OCIAD1: variants seen among roughly 807,000 people sequenced by gnomAD.
The protein encoded by OCIAD1 is OCIA domain-containing protein 1.
OCIAD1 carries 29 observed loss-of-function variants against 38.9 expected under a neutral mutation model. The ratio of observed to expected loss-of-function variants is 0.74; its 90% CI spans 0.55 to 1.02. The LOEUF is 1.02. Among genes scored for constraint, OCIAD1 ranks in the 50% least tolerant of loss-of-function variants. OCIAD1 has a pLI of 0.00. For synonymous variants in OCIAD1, 110 were observed against 92.0 expected (o/e 1.20, Z -1.12); for missense variants, 288 against 289.6 (o/e 0.99, Z 0.04).
chr4:48,853,215 T>A (rs556720312), intron 7 of OCIAD1, among the ~76,000 whole-genome samples: 2 of 152,234 alleles, frequency 1.3e-5, no homozygotes, highest in Non-Finnish European at 2.9e-5. Context: ...GGTAATAAAA[T>A]CTGACCTGAA....
In OCIAD1 at chr4:48,833,444, C is replaced by A. The variant is rs754591912; in HGVS notation, c.102C>A (p.Val34=). 1.2e-6 allele frequency: 2 copies of A among 1,607,648 alleles called. No homozygotes were observed. The highest frequency in any genetic ancestry group is 2.7e-5 in the African/African-American group (2 of 74,894). Residue 34 remains valine (V), a synonymous_variant, in exon 3 of 9, where the codon GTC becomes GTA. Transcript: ENST00000264312. ...TTCCAACAGAGGAAGAAAGGAGAGT[C>A]TTCGCAGAATGCAATGATGAAAGCT... is the stretch of plus-strand genomic sequence containing the variant. The part of the protein sequence containing the change: ...DYIPTEEERR[V]FAECNDESFW...
At chr4:48,816,685 C>A (rs1050915002) in intron 1 of OCIAD1, among the ~76,000 whole-genome samples, 1 of 151,982 alleles carries the variant, frequency 6.6e-6, no homozygotes, top group African/African-American at 2.4e-5. Flanking sequence ...AAATTTGAAA[C>A]GGTGGCAGGG....
intron 4 of OCIAD1, among the ~76,000 whole-genome samples, chr4:48,844,225 G>A (rs980940016): frequency 6.6e-6 from 1 of 152,142 alleles, no homozygotes; most frequent in Non-Finnish European, 1.5e-5. Flanking sequence ...ATGCAGGGAG[G>A]AGTGAAAAAT....
intron 8 of OCIAD1, among the ~76,000 whole-genome samples, chr4:48,858,283 T>A (rs756859789): frequency 6.6e-6 from 1 of 152,176 alleles, no homozygotes; most frequent in African/African-American, 2.4e-5. Flanking sequence ...CAAATCTCCT[T>A]GGAGATCTGA....
intron 1 of OCIAD1, among the ~76,000 whole-genome samples, chr4:48,823,284 A>G (rs1777212540): frequency 6.6e-6 from 1 of 152,150 alleles, no homozygotes; most frequent in Admixed American, 6.5e-5. Context: ...GCAATCTAAC[A>G]CAGGAACGGA....
chr4:48,817,455 G>A (rs893958122), intron 1 of OCIAD1, among the ~76,000 whole-genome samples: 11 of 152,172 alleles, frequency 7.2e-5, no homozygotes, highest in African/African-American at 2.4e-4. Flanking sequence ...TGCAGATCAG[G>A]AGATTCCCAC....
chr4:48,813,114 C>T (rs796830296), intron 1 of OCIAD1, among the ~76,000 whole-genome samples: 28 of 152,174 alleles, frequency 1.8e-4, no homozygotes, highest in African/African-American at 6.7e-4. Flanking sequence ...TGGCATGATG[C>T]GGGATGGATG....
Position 48,860,735 on chromosome 4 carries a change from C to G in OCIAD1, c.711C>G (p.Asn237Lys). Residue 237 changes from asparagine (N) to lysine (K), a missense_variant, in exon 9 of 9, where the codon AAC becomes AAG. Physicochemically the swap from Asn to Lys is moderately conservative, Grantham distance 94. Coordinates refer to ENST00000264312, the MANE Select transcript of OCIAD1 (RefSeq NM_017830.4). ...ERVPKKEVKV[N>K]KYGDTWDE ...ATGCTTTTTTCCTAGTCAAAGTAAA[C>G]AAGTATGGAGATACTTGGGATGAGT... is the stretch of plus-strand genomic sequence containing the variant. 1.9e-6 allele frequency: 3 copies of G among 1,601,124 alleles called. No individual in the cohort carries two copies. The highest frequency in any genetic ancestry group is 2.6e-6 in the Non-Finnish European group (3 of 1,169,406).
chr4:48,835,890 T>C (rs961587492), intron 3 of OCIAD1, among the ~76,000 whole-genome samples: 16 of 151,910 alleles, frequency 1.1e-4, no homozygotes, highest in African/African-American at 3.9e-4. Context: ...AAAGGTGGAG[T>C]AGCATTTGGA....
intron 3 of OCIAD1, among the ~76,000 whole-genome samples, chr4:48,838,152 T>C (rs138421648): frequency 1.2e-3 from 176 of 152,200 alleles, no homozygotes; most frequent in African/African-American, 3.9e-3. Flanking sequence ...ACCCCGTCTC[T>C]ACTAAGAATA....
intron 1 of OCIAD1, among the ~76,000 whole-genome samples, chr4:48,805,686 T>TA (rs879741538): frequency 8.4e-4 from 119 of 140,932 alleles, no homozygotes; most frequent in Middle Eastern, 3.6e-3. Context: ...CCCCATCTCT[T>TA]AAAAAAAAAA....
chr4:48,843,162 G>A (rs888737211), intron 4 of OCIAD1, among the ~76,000 whole-genome samples: 1 of 152,112 alleles, frequency 6.6e-6, no homozygotes, highest in African/African-American at 2.4e-5. Flanking sequence ...AGAATCTCAG[G>A]GGTCTGGCAG....
At chr4:48,848,871 A>G (rs1195010162) in intron 5 of OCIAD1, among the ~76,000 whole-genome samples, 2 of 152,210 alleles carry the variant, frequency 1.3e-5, no homozygotes, top group Admixed American at 6.5e-5. Context: ...ACACATTGCA[A>G]TATAGTTAAT....
chr4:48,821,014 A>G (rs1392302832), intron 1 of OCIAD1, among the ~76,000 whole-genome samples: 1 of 152,204 alleles, frequency 6.6e-6, no homozygotes, highest in Non-Finnish European at 1.5e-5. Context: ...TATTCCAAAC[A>G]ATAGAAAAAG....
intron 3 of OCIAD1, 132 bp from the exon 4 acceptor site, chr4:48,842,504 A>G: frequency 1.6e-6 from 1 of 636,638 alleles, no homozygotes; most frequent in Non-Finnish European, 2.7e-6. Flanking sequence ...TAAAAATGGA[A>G]CAGTCTTTTT....
chr4:48,845,810 T>G lies in OCIAD1; in HGVS notation c.194-2589T>G, dbSNP rs571255081. Among the ~76,000 whole-genome samples, 140 of 152,376 alleles carry G rather than the reference T, an allele frequency of 9.2e-4. 3 individuals are homozygous for G. The South Asian group carries it at 0.027, about 29-fold the overall frequency. ...TCCCTTATCTGCCTTGTCCAATTAA[T>G]GTCTTTTAGCTCTTAAATGTCTTTA... On this transcript the variant is annotated intron_variant, in intron 4 of 8. Coordinates refer to ENST00000264312, the MANE Select transcript of OCIAD1 (RefSeq NM_017830.4).
At chr4:48,857,697 TAGAGATGGGGTTTCATCATGTTGGCC>T (rs1398866853) in intron 8 of OCIAD1, among the ~76,000 whole-genome samples, 6 of 152,020 alleles carry the variant, frequency 3.9e-5, no homozygotes, top group Non-Finnish European at 2.9e-5. Flanking sequence ...GTATTTTTAG[TAGAGATGGGGTTTCATCATGTTGGCC>T]AGGATGGTCT....
chr4:48,835,153 C>A (rs1301649763), intron 3 of OCIAD1, among the ~76,000 whole-genome samples: 1 of 152,100 alleles, frequency 6.6e-6, no homozygotes, highest in African/African-American at 2.4e-5. Flanking sequence ...AGGCTGATCT[C>A]GAACTCCTGA....
chr4:48,840,965 G>A (rs1056350574), intron 3 of OCIAD1, among the ~76,000 whole-genome samples: 1 of 152,188 alleles, frequency 6.6e-6, no homozygotes, highest in Non-Finnish European at 1.5e-5. Flanking sequence ...GCAGTGAGAT[G>A]AGATTGTACC....
Sources: gnomAD v4.1 joint callset for allele counts (sites outside exome capture counted in the v4.1 genomes callset) on GRCh38, gnomAD v4.1.1 for gene constraint, MANE v1.5 for transcripts, NCBI Gene and HGNC (gene_info 2026-07-23, HGNC 2026-07-21) for gene names.